The following LTN1 variants were observed in gnomAD, a reference collection of about 807,000 sequenced individuals.
LTN1 encodes E3 ubiquitin-protein ligase listerin.
Under a neutral mutation model 201.2 loss-of-function variants are expected in LTN1, and 88 were observed. The ratio of observed to expected loss-of-function variants is 0.44; its 90% CI spans 0.37 to 0.52. The LOEUF (loss-of-function observed/expected upper bound fraction) is 0.52. Among genes scored for constraint, LTN1 ranks in the 20% least tolerant of loss-of-function variants. The pLI, the probability that LTN1 is intolerant of heterozygous loss-of-function variation, is 0.00. For synonymous variants in LTN1, 645 were observed against 713.5 expected (o/e 0.90, Z 1.53); for missense variants, 1,752 against 2,038.7 (o/e 0.86, Z 2.71).
chr21:28,961,590 C>A (rs1601190931), intron 11 of LTN1: 2 of 155,378 alleles, frequency 1.3e-5, no homozygotes, highest in South Asian at 4.1e-4. Flanking sequence ...AAACTTTATC[C>A]TTTTATTTAA....
chr21:28,992,741 C>A (rs765313576), intron 1 of LTN1, 23 bp downstream of exon 1: 1 of 1,613,460 alleles, frequency 6.2e-7, no homozygotes, highest in South Asian at 1.1e-5. Flanking sequence ...GCTCCCGGGT[C>A]GGCCGAGCCA....
intron 5 of LTN1, among the ~76,000 whole-genome samples, chr21:28,981,670 C>G (rs928004882): frequency 3.3e-5 from 5 of 152,166 alleles, no homozygotes; most frequent in African/African-American, 1.2e-4. Context: ...TAGTTTACTA[C>G]TCTTTCAACA....
At chr21:28,933,221 T>G (rs1447038649) in intron 27 of LTN1, among the ~76,000 whole-genome samples, 1 of 152,190 alleles carries the variant, frequency 6.6e-6, no homozygotes, top group Non-Finnish European at 1.5e-5. Context: ...CATTTTAAAT[T>G]TCTGCTTCTA....
chr21:28,935,592 G>A (rs536603176), intron 26 of LTN1, among the ~76,000 whole-genome samples: 1 of 152,220 alleles, frequency 6.6e-6, no homozygotes, highest in African/African-American at 2.4e-5. Flanking sequence ...TGTAATCCCA[G>A]CACTTTGGGA....
At position 28,959,611 on chromosome 21, in the gene LTN1, C is replaced by T. The variant is rs2084457885; in HGVS notation, c.2440G>A (p.Glu814Lys). ...LFKTKKLSEAESSDSSVSFIC... is the reference protein window; with the variant it reads ...LFKTKKLSEAKSSDSSVSFIC... ...AAAGACACTGATGAGTCACTGCTTT[C>T]AGCTTCTGATAATTTCTTTGTTTTG... Residue 814 changes from glutamate to lysine, a missense_variant, in exon 13 of 30, where the codon GAA becomes AAA. Glu to Lys is a moderately conservative substitution (Grantham distance 56). This residue lies in a region of LTN1 where 1,211 missense variants were observed against 1,312.8 expected (regional missense o/e 0.92). Transcript: ENST00000361371. 1 of 1,613,996 alleles carries T rather than the reference C, an allele frequency of 6.2e-7. No individual in the cohort carries two copies. Among genetic ancestry groups the T allele is most frequent in the East Asian group, 2.2e-5 (1 of 44,852 alleles).
chr21:28,977,927 CAA>C (rs56303862), intron 6 of LTN1, among the ~76,000 whole-genome samples: 1 of 119,604 alleles, frequency 8.4e-6, no homozygotes, highest in Non-Finnish European at 1.8e-5. Context: ...GACTCTGTCT[CAA>C]AAAAAAAAAA....
intron 27 of LTN1, among the ~76,000 whole-genome samples, chr21:28,934,781 C>A (rs377607183): frequency 1.3e-5 from 2 of 152,036 alleles, no homozygotes; most frequent in East Asian, 3.9e-4. Flanking sequence ...TTATAAATTA[C>A]CCAGTTTCAG....
At chr21:28,992,425 C>T (rs149224959) in intron 1 of LTN1, among the ~76,000 whole-genome samples, 1 of 152,194 alleles carries the variant, frequency 6.6e-6, no homozygotes, top group Non-Finnish European at 1.5e-5. Flanking sequence ...TCCCAACTCT[C>T]CTTCTTCCCA....
At position 28,932,557 on chromosome 21, in the gene LTN1, T is replaced by C. The variant is rs552615808; in HGVS notation, c.4983A>G (p.Ile1661Met). Residue 1661 changes from isoleucine to methionine, a missense_variant, in exon 28 of 30, where the codon ATA becomes ATG. Physicochemically the swap from Ile to Met is conservative, Grantham distance 10 (BLOSUM62 1). Transcript: ENST00000361371. Reference sequence around the variant, plus strand: ...CTACTCTTTTCCCACTTTCTACTATTATTGAACCCAGTGGATAATTTGAAG... The same window carrying C: ...CTACTCTTTTCCCACTTTCTACTATCATTGAACCCAGTGGATAATTTGAAG... ...QLPSNYPLGSIIVESGKRVGV... is the reference protein window; with the variant it reads ...QLPSNYPLGSMIVESGKRVGV... The C allele has an allele frequency of 6.2e-7, 1 of 1,613,938 alleles. No homozygotes were observed. Among genetic ancestry groups the C allele is most frequent in the South Asian group, 1.1e-5 (1 of 91,078 alleles).
intron 4 of LTN1, 51 bp downstream of exon 4, chr21:28,984,641 C>G: frequency 4.4e-6 from 6 of 1,361,690 alleles, no homozygotes; most frequent in Non-Finnish European, 3.1e-6. Context: ...TGCTTATAAC[C>G]CTTAAATACT....
At chr21:28,932,740 T>G in intron 27 of LTN1, 76 bp from the exon 28 acceptor site, 1 of 974,492 alleles carries the variant, frequency 1.0e-6, no homozygotes, top group Non-Finnish European at 1.6e-6. Flanking sequence ...AGGTTGACTA[T>G]TAAAAGCTAA....
At chr21:28,957,512 AC>A in intron 14 of LTN1, 36 bp from the exon 15 acceptor site, 1 of 1,481,284 alleles carries the variant, frequency 6.8e-7, no homozygotes, top group Non-Finnish European at 9.0e-7. Context: ...TGTTGTAGTT[AC>A]GCTATGACTA....
At chr21:28,966,039 C>A in intron 10 of LTN1, 133 bp from the exon 11 acceptor site, 2 of 637,906 alleles carry the variant, frequency 3.1e-6, no homozygotes, top group Non-Finnish European at 5.5e-6. Context: ...TCCTGAGTAG[C>A]TGGGACTACA....
intron 21 of LTN1, among the ~76,000 whole-genome samples, chr21:28,944,903 T>C (rs998160417): frequency 6.6e-6 from 1 of 152,180 alleles, no homozygotes; most frequent in African/African-American, 2.4e-5. Context: ...TCAGTAGCCC[T>C]ACAAGTTGTA....
chr21:28,945,705 C>T (rs1404126412), intron 21 of LTN1, 102 bp downstream of exon 21: 2 of 1,050,600 alleles, frequency 1.9e-6, no homozygotes, highest in South Asian at 4.1e-5. Flanking sequence ...TACAAAGGAA[C>T]CAATTACAAT....
chr21:28,960,531 T>C lies in LTN1; in HGVS notation c.2339A>G (p.Gln780Arg). The change falls in exon 12 of 30, where the codon CAA (glutamine) becomes CGA (arginine). Residue 780 changes from glutamine (Q) to arginine (R), a missense_variant. By Grantham distance (43) the Gln-to-Arg change is conservative. This residue lies in a region of LTN1 where 1,211 missense variants were observed against 1,312.8 expected (regional missense o/e 0.92). Transcript: ENST00000361371. Reference protein sequence around the residue: ...RWTLLSLVLSQHVKNDYLIGD... With the variant: ...RWTLLSLVLSRHVKNDYLIGD... ...ATTTGTCCTACCATTTTTAACATGT[T>C]GGGATAATACCAAGCTTAGAAGAGT... 6.2e-7 allele frequency: 1 copy of C among 1,612,204 alleles called. No homozygotes were observed. The highest frequency in any genetic ancestry group is 8.5e-7 in the Non-Finnish European group (1 of 1,179,202).
At position 28,958,370 on chromosome 21, in the gene LTN1, G is replaced by A. The variant is rs2084443901; in HGVS notation, c.2747+16C>T. Reference sequence around the variant, plus strand: ...AGTATAAAAGAGACACTGAAACCAAGCTCAAAAAAGGTTACCTGTTGATAT... The same window carrying A: ...AGTATAAAAGAGACACTGAAACCAAACTCAAAAAAGGTTACCTGTTGATAT... On this transcript the variant is annotated intron_variant, in intron 14 of 29. Coordinates refer to ENST00000361371, the MANE Select transcript of LTN1 (RefSeq NM_015565.3). The A allele has an allele frequency of 1.3e-6, 2 of 1,592,066 alleles. No individual in the cohort carries two copies. The highest frequency in any genetic ancestry group is 1.2e-5 in the South Asian group (1 of 86,924).
chr21:28,933,090 T>C (rs1255766649), intron 27 of LTN1, among the ~76,000 whole-genome samples: 1 of 152,214 alleles, frequency 6.6e-6, no homozygotes, highest in East Asian at 1.9e-4. Flanking sequence ...AGAACATTTA[T>C]AGTTATTTGT....
chr21:28,983,456 A>G (rs1173530938), intron 4 of LTN1, among the ~76,000 whole-genome samples: 1 of 152,240 alleles, frequency 6.6e-6, no homozygotes, highest in African/African-American at 2.4e-5. Flanking sequence ...ATTTGAGCAT[A>G]TGATTAAAGC....
Sources: gnomAD v4.1 joint callset for allele counts (sites outside exome capture counted in the v4.1 genomes callset) on GRCh38, gnomAD v4.1.1 for gene constraint, gnomAD v4.1.1 regional missense constraint, MANE v1.5 for transcripts, NCBI Gene and HGNC (gene_info 2026-07-23, HGNC 2026-07-21) for gene names.